Variants in PTPRK observed in about 807,000 individuals in gnomAD.
PTPRK encodes the protein protein tyrosine phosphatase receptor type K.
In PTPRK, 75 loss-of-function variants were observed where a neutral mutation model predicts 178.0. That is an observed-to-expected ratio of 0.42 (90% CI 0.35 to 0.51). PTPRK has a LOEUF of 0.51. Ranked by LOEUF, PTPRK falls within the 20% of genes least tolerant of loss-of-function variation. The pLI, the probability that PTPRK is intolerant of heterozygous loss-of-function variation, is 0.02. For missense variants in PTPRK, 1,441 were observed against 1,797.8 expected (o/e 0.80, Z 3.59); for synonymous variants, 637 against 620.6 (o/e 1.03, Z -0.39).
chr6:127,979,119 A>C (rs1021576400), intron 25 of PTPRK, among the ~76,000 whole-genome samples: 1 of 150,624 alleles, frequency 6.6e-6, no homozygotes, highest in African/African-American at 2.5e-5. Flanking sequence ...AAAAATAATA[A>C]AAAAAAAATT....
Position 128,331,989 on chromosome 6 carries a change from A to C in PTPRK, c.224-9679T>G, listed in dbSNP as rs149997354. Among the ~76,000 whole-genome samples the C allele has an allele frequency of 2.5e-3, 286 of 113,686 alleles. 1 individual carries two copies. Among genetic ancestry groups the C allele is most frequent in the African/African-American group, 7.8e-3 (264 of 33,936 alleles). 74.6% of individuals were successfully genotyped at this position (113,686 alleles called of 152,430 possible). A position where few individuals can be genotyped will look rare whatever the true frequency, so the allele number is the denominator to read the frequency against. On this transcript the variant is annotated intron_variant, in intron 2 of 29. Transcript: ENST00000368226. ...TATGGATTTAAGATAATAGCTTCTA[A>C]AAACCTTCAGGCAACACAAAAAAAC... is the stretch of plus-strand genomic sequence containing the variant.
intron 1 of PTPRK, among the ~76,000 whole-genome samples, chr6:128,459,482 A>G (rs985272113): frequency 2.0e-5 from 3 of 152,148 alleles, no homozygotes; most frequent in Admixed American, 6.5e-5. Flanking sequence ...ACAGCTTTAT[A>G]CCCAAAGCTG....
At chr6:128,066,809 C>T (rs1379616551) in intron 12 of PTPRK, among the ~76,000 whole-genome samples, 3 of 152,156 alleles carry the variant, frequency 2.0e-5, no homozygotes, top group African/African-American at 7.2e-5. Context: ...TGTTTTCCCA[C>T]ATACGGAACT....
At position 128,519,005 on chromosome 6, in the gene PTPRK, A is replaced by G. The variant is rs772574816; in HGVS notation, c.100+1254T>C. The G allele has an allele frequency of 6.6e-5, 34 of 518,348 alleles. No homozygotes were observed. Among genetic ancestry groups the G allele is most frequent in the Non-Finnish European group, 1.1e-4 (28 of 252,776 alleles). The allele number at this position is 518,348 out of a possible 1,614,324, so 32.1% of individuals were successfully genotyped here. On this transcript the variant is annotated intron_variant, in intron 1 of 29. Coordinates refer to ENST00000368226, the MANE Select transcript of PTPRK (RefSeq NM_002844.4). The surrounding 1 kb of genome is among the most constrained non-coding windows in gnomAD (Gnocchi z 4.3). ...GTGAGAAACTGTCAGGTACAAAGTAAGTTATTTGCGTCCTGCGGCTTCAGC... is the reference window on the plus strand; with the variant it reads ...GTGAGAAACTGTCAGGTACAAAGTAGGTTATTTGCGTCCTGCGGCTTCAGC...
In PTPRK at chr6:128,161,606, A is replaced by C. The variant is rs1479873850; in HGVS notation, c.1162+22826T>G. 2.0e-5 allele frequency among the ~76,000 whole-genome samples: 3 copies of C among 151,568 alleles called. No individual in the cohort carries two copies. In the East Asian group the frequency reaches 5.8e-4, roughly 29 times the overall value. On this transcript the variant is annotated intron_variant, in intron 7 of 29. Coordinates refer to ENST00000368226, the MANE Select transcript of PTPRK (RefSeq NM_002844.4). ...GTCAGTTACATTAGCTCCAATTCAAATTTAACTCTTATAAAATTAAAAAAA... is the reference window on the plus strand; with the variant it reads ...GTCAGTTACATTAGCTCCAATTCAACTTTAACTCTTATAAAATTAAAAAAA...
intron 13 of PTPRK, among the ~76,000 whole-genome samples, chr6:128,059,041 C>G (rs1269487723): frequency 4.6e-5 from 7 of 152,144 alleles, no homozygotes; most frequent in East Asian, 3.9e-4. Context: ...TATTCTTGTG[C>G]TATTACCACA....
At chr6:128,392,623 C>A (rs2128365397) in intron 2 of PTPRK, among the ~76,000 whole-genome samples, 1 of 152,144 alleles carries the variant, frequency 6.6e-6, no homozygotes, top group South Asian at 2.1e-4. Flanking sequence ...ACACACATGT[C>A]TTTGAGATCA....
At chr6:128,059,477 C>T (rs1023582124) in intron 13 of PTPRK, among the ~76,000 whole-genome samples, 18 of 152,056 alleles carry the variant, frequency 1.2e-4, no homozygotes, top group African/African-American at 4.1e-4. Flanking sequence ...AACCACCTAC[C>T]TTTTGAATTT....
chr6:128,227,733 C>T (rs766707901), intron 5 of PTPRK, among the ~76,000 whole-genome samples: 4 of 151,808 alleles, frequency 2.6e-5, no homozygotes, highest in East Asian at 1.9e-4. Context: ...AGATCAAAAC[C>T]GCAACATAAT....
intron 5 of PTPRK, among the ~76,000 whole-genome samples, chr6:128,225,604 T>G (rs1224358658): frequency 6.6e-6 from 1 of 152,088 alleles, no homozygotes; most frequent in Non-Finnish European, 1.5e-5. Flanking sequence ...TCCAAAAACA[T>G]GAAATCATTT....
At chr6:127,992,819 A>C (rs972104066) in intron 18 of PTPRK, 110 bp from the exon 19 acceptor site, 3 of 880,074 alleles carry the variant, frequency 3.4e-6, no homozygotes, top group African/African-American at 1.7e-5. Flanking sequence ...TTATAATAAA[A>C]AGTCCAGAAA....
chr6:128,056,847 T>C (rs538353600), intron 13 of PTPRK, among the ~76,000 whole-genome samples: 1 of 152,320 alleles, frequency 6.6e-6, no homozygotes, highest in East Asian at 1.9e-4. Flanking sequence ...ATAAACATAA[T>C]TTTTAGGATT....
chr6:128,322,703 C>T (rs192659933), intron 2 of PTPRK, among the ~76,000 whole-genome samples: 2 of 139,850 alleles, frequency 1.4e-5, no homozygotes, highest in African/African-American at 5.4e-5. Flanking sequence ...TACACAAAAG[C>T]GATACATTAT....
At chr6:128,252,029 A>T (rs1235651341) in intron 3 of PTPRK, among the ~76,000 whole-genome samples, 2 of 152,222 alleles carry the variant, frequency 1.3e-5, no homozygotes, top group African/African-American at 4.8e-5. Flanking sequence ...ACAGAACATC[A>T]GTCAAAGCAC....
chr6:128,143,722 C>T (rs114116564), intron 7 of PTPRK, among the ~76,000 whole-genome samples: 11 of 152,116 alleles, frequency 7.2e-5, no homozygotes, highest in African/African-American at 2.4e-4. Context: ...CACTCTTTAT[C>T]CAGCTTAGAT....
chr6:128,188,294 T>C (rs918821197), intron 6 of PTPRK, among the ~76,000 whole-genome samples: 3 of 152,214 alleles, frequency 2.0e-5, no homozygotes, highest in Admixed American at 2.0e-4. Flanking sequence ...CAAATCATTA[T>C]GAAAAAATAC....
chr6:128,017,802 G>GTGTATATATATATATATATATA (rs1287001811), intron 13 of PTPRK, among the ~76,000 whole-genome samples: 4 of 101,260 alleles, frequency 4.0e-5, no homozygotes, highest in African/African-American at 1.3e-4. Context: ...ATATATATGT[G>GTGTATATATATATATATATATA]TATATATATA....
At chr6:128,334,059 T>C (rs572362794) in intron 2 of PTPRK, among the ~76,000 whole-genome samples, 5 of 152,250 alleles carry the variant, frequency 3.3e-5, no homozygotes, top group Admixed American at 1.3e-4. Flanking sequence ...TCAGAATACA[T>C]ACAACATTTA....
intron 13 of PTPRK, among the ~76,000 whole-genome samples, chr6:128,048,462 G>T (rs1778448630): frequency 6.6e-6 from 1 of 151,408 alleles, no homozygotes; most frequent in Admixed American, 6.6e-5. Context: ...GCCCTACATG[G>T]GTGATGCCCT....
Sources: gnomAD v4.1 joint callset for allele counts (sites outside exome capture counted in the v4.1 genomes callset) on GRCh38, gnomAD v4.1.1 for gene constraint, Gnocchi (gnomAD v3.1) non-coding constraint, MANE v1.5 for transcripts, NCBI Gene and HGNC (gene_info 2026-07-23, HGNC 2026-07-21) for gene names.